Variants in HUWE1 observed in about 807,000 individuals in gnomAD.
The protein encoded by HUWE1 is E3 ubiquitin-protein ligase HUWE1.
Under a neutral mutation model 299.4 loss-of-function variants are expected in HUWE1, and 18 were observed. That is an observed-to-expected ratio of 0.06 (90% CI 0.04 to 0.09). HUWE1 has a LOEUF of 0.09. Among genes scored for constraint, HUWE1 ranks in the 10% least tolerant of loss-of-function variants. The pLI is 1.00. For synonymous variants in HUWE1, 1,317 were observed against 1,286.1 expected (o/e 1.02, Z -0.51); for missense variants, 1,832 against 3,462.3 (o/e 0.53, Z 11.82).
intron 36 of HUWE1, 85 bp downstream of exon 36, chrX:53,589,462 A>T: frequency 1.1e-6 from 1 of 907,930 alleles, no homozygotes; most frequent in Non-Finnish European, 1.6e-6. Context: ...GAATGAAAAT[A>T]TGCTGATTTT....
chrX:53,660,521 A>G (rs782243440), intron 3 of HUWE1, among the ~76,000 whole-genome samples: 38 of 112,276 alleles, frequency 3.4e-4, no homozygotes, highest in African/African-American at 1.2e-3. Context: ...GTGTTCTCAT[A>G]TTTCTAAAAC....
intron 3 of HUWE1, among the ~76,000 whole-genome samples, chrX:53,661,034 CTTTTTTT>C (rs200048431): frequency 1.0e-5 from 1 of 96,897 alleles, no homozygotes; most frequent in Non-Finnish European, 2.1e-5. Flanking sequence ...ATGCGATTCA[CTTTTTTT>C]TTTTTTTTTT....
chrX:53,563,932 A>C, intron 51 of HUWE1, 111 bp from the exon 52 acceptor site: 17 of 855,857 alleles, frequency 2.0e-5, no homozygotes, highest in Non-Finnish European at 2.7e-5. Context: ...ATAACATGTG[A>C]CAGAGGATGT....
chrX:53,628,192 T>C (rs2066642915), intron 15 of HUWE1, among the ~76,000 whole-genome samples: 1 of 111,027 alleles, frequency 9.0e-6, no homozygotes, highest in African/African-American at 3.3e-5. Flanking sequence ...TACCCTGACA[T>C]ATATTTTCCC....
Position 53,551,379 on chromosome X carries a change from T to C in HUWE1, c.8983A>G (p.Thr2995Ala). 2 of 1,209,319 alleles carry C rather than the reference T, an allele frequency of 1.7e-6. No homozygotes were observed. The highest frequency in any genetic ancestry group is 3.0e-5 in the East Asian group (1 of 33,733). The change falls in exon 64 of 84, where the codon ACC becomes GCC. Residue 2995 changes from threonine (T) to alanine (A), a missense_variant. Transcript: ENST00000262854. ...CTATTTGTGGAGGGGGCAGTCCGGG[T>C]TGGTGGACGAATGCCTAGCTGGTTC... ...LQNQLGIRPP[T>A]RTAPSTNSSA... is the part of the protein sequence containing the mutation.
intron 73 of HUWE1, among the ~76,000 whole-genome samples, chrX:53,543,344 G>C (rs2061428161): frequency 9.0e-6 from 1 of 110,606 alleles, no homozygotes; most frequent in African/African-American, 3.3e-5. Flanking sequence ...GTACCTGAAG[G>C]TTTCCTCCTA....
chrX:53,603,615 T>C lies in HUWE1; in HGVS notation c.2743-114A>G, dbSNP rs940630093. 4.5e-6 allele frequency: 3 copies of C among 660,077 alleles called. No homozygotes were observed. In the South Asian group the frequency reaches 7.5e-5, roughly 16 times the overall value. 54.4% of individuals were successfully genotyped at this position (660,077 alleles called of 1,213,427 possible). On this transcript the variant is annotated intron_variant, in intron 26 of 83. Coordinates refer to ENST00000262854, the MANE Select transcript of HUWE1 (RefSeq NM_031407.7). ...GGTAAGGGATTTTTCTTCATTGCTATTCTCAGAGTTATCCACCTCATCAAA... is the reference window on the plus strand; with the variant it reads ...GGTAAGGGATTTTTCTTCATTGCTACTCTCAGAGTTATCCACCTCATCAAA...
At chrX:53,673,206 CAGT>C (rs2069645490) in intron 3 of HUWE1, among the ~76,000 whole-genome samples, 1 of 111,529 alleles carries the variant, frequency 9.0e-6, no homozygotes, top group Non-Finnish European at 1.9e-5. Context: ...ACCATTCTCA[CAGT>C]AGAAAAATTC....
intron 3 of HUWE1, among the ~76,000 whole-genome samples, chrX:53,665,030 G>A (rs1203843335): frequency 2.7e-5 from 3 of 112,039 alleles, no homozygotes; most frequent in Non-Finnish European, 5.6e-5. Context: ...GATGAAGACT[G>A]TGCCCAGTTT....
chrX:53,535,150 G>A (rs782414177), intron 81 of HUWE1, among the ~76,000 whole-genome samples: 4 of 111,115 alleles, frequency 3.6e-5, no homozygotes, highest in African/African-American at 6.5e-5. Flanking sequence ...GGCCAGGCTG[G>A]TCTCAAACTC....
At chrX:53,634,131 C>T (rs1016222357) in intron 8 of HUWE1, 105 bp downstream of exon 8, 13 of 633,403 alleles carry the variant, frequency 2.1e-5, no homozygotes, top group South Asian at 1.4e-4. Context: ...TCAAAGGTCT[C>T]GATGTGAAGG....
rs781993401 is a variant in HUWE1, at chrX:53,548,198, C to T, written c.10111G>A (p.Ala3371Thr). ...CESDRERGNKACSPCSSQSSS... is the reference protein window; with the variant it reads ...CESDRERGNKTCSPCSSQSSS... ...GACTGTGAGGAGCATGGGCTACAGG[C>T]CTTATTGCCCCTTTCCCGATCACTC... The change falls in exon 68 of 84, where the codon GCC (alanine) becomes ACC (threonine). Residue 3371 changes from alanine (A) to threonine (T), a missense_variant. Coordinates refer to ENST00000262854, the MANE Select transcript of HUWE1 (RefSeq NM_031407.7). The T allele has an allele frequency of 6.6e-6, 8 of 1,207,617 alleles. No homozygotes were observed. The highest frequency in any genetic ancestry group is 2.2e-5 in the Admixed American group (1 of 45,681).
At chrX:53,608,498 C>T (rs1569488050) in intron 24 of HUWE1, among the ~76,000 whole-genome samples, 1 of 111,512 alleles carries the variant, frequency 9.0e-6, no homozygotes, top group Non-Finnish European at 1.9e-5. Flanking sequence ...TGAGCATTTC[C>T]CTTCAGTGTT....
At chrX:53,553,072 C>G (rs1167481068) in intron 61 of HUWE1, among the ~76,000 whole-genome samples, 179 bp from the exon 62 acceptor site, 2 of 111,687 alleles carry the variant, frequency 1.8e-5, no homozygotes, top group African/African-American at 6.5e-5. Flanking sequence ...GAAGCCCTTT[C>G]TATCAATTCT....
At position 53,562,759 on chromosome X, in the gene HUWE1, G is replaced by C. The variant is rs1321441748; in HGVS notation, c.7204+72C>G. The C allele has an allele frequency of 3.5e-6, 3 of 858,486 alleles. No homozygotes were observed. In the East Asian group the frequency reaches 9.3e-5, roughly 27 times the overall value. The allele number at this position is 858,486 out of a possible 1,213,427, so 70.7% of individuals were successfully genotyped here. A position where few individuals can be genotyped will look rare whatever the true frequency, so the allele number is the denominator to read the frequency against. On this transcript the variant is annotated intron_variant, in intron 53 of 83. Coordinates refer to ENST00000262854, the MANE Select transcript of HUWE1 (RefSeq NM_031407.7). ...TGCACATGTGGGCAGCTGCCTCCAG[G>C]AAAACCCTAGTGTAGTGTCTGTCAG...
At chrX:53,570,615 G>GT (rs1488758913) in intron 47 of HUWE1, among the ~76,000 whole-genome samples, 1 of 112,520 alleles carries the variant, frequency 8.9e-6, no homozygotes, top group African/African-American at 3.2e-5. Flanking sequence ...GTTATTTAAA[G>GT]TAACGAAAAA....
intron 68 of HUWE1, among the ~76,000 whole-genome samples, chrX:53,547,458 G>A (rs1017125688): frequency 1.3e-4 from 15 of 111,644 alleles, no homozygotes; most frequent in African/African-American, 1.3e-4. Context: ...GCAGGGGAGA[G>A]AGAGAAAGAG....
intron 76 of HUWE1, 39 bp from the exon 77 acceptor site, chrX:53,538,493 C>T: frequency 1.1e-6 from 1 of 949,544 alleles, no homozygotes. Context: ...AGCACATCAT[C>T]TGCCCCAGAA....
chrX:53,642,288 T>C (rs1236869873), intron 7 of HUWE1, among the ~76,000 whole-genome samples: 2 of 112,141 alleles, frequency 1.8e-5, no homozygotes, highest in Admixed American at 9.5e-5. Context: ...TATGTTGCAT[T>C]GTGTACATCT....
Sources: gnomAD v4.1 joint callset for allele counts (sites outside exome capture counted in the v4.1 genomes callset) on GRCh38, gnomAD v4.1.1 for gene constraint, MANE v1.5 for transcripts, NCBI Gene and HGNC (gene_info 2026-07-23, HGNC 2026-07-21) for gene names.